Variants in RNF213 observed in about 807,000 individuals in gnomAD.
RNF213 encodes the protein ring finger protein 213.
In RNF213, 341 loss-of-function variants were observed where a neutral mutation model predicts 514.4. The ratio of observed to expected loss-of-function variants is 0.66; its 90% CI spans 0.61 to 0.73. The LOEUF is 0.73. Among genes scored for constraint, RNF213 ranks in the 30% least tolerant of loss-of-function variants. The pLI is 0.00. For synonymous variants in RNF213, 2,655 were observed against 2,658.2 expected, an observed-to-expected ratio of 1.00 and a Z score of 0.04; for missense variants, 5,767 against 6,615.6, an observed-to-expected ratio of 0.87 and a Z score of 4.45.
Position 80,358,454 on chromosome 17 carries a change from A to G in RNF213, c.11029A>G (p.Ile3677Val). The G allele has an allele frequency of 6.2e-7, 1 of 1,614,152 alleles. No individual in the cohort carries two copies. Among genetic ancestry groups the G allele is most frequent in the Non-Finnish European group, 8.5e-7 (1 of 1,179,976 alleles). Residue 3677 changes from isoleucine (I) to valine (V), a missense_variant, in exon 37 of 68, where the codon ATT (isoleucine) becomes GTT (valine). This residue lies in a region of RNF213 where 919 missense variants were observed against 1,121.0 expected (regional missense o/e 0.82). Transcript: ENST00000582970. ...FIFSDTMLLN[I>V]PLVMNNERHK... ...TTTCAGTGACACGATGCTTCTGAAC[A>G]TTCCTCTTGTGATGAATAATGAAAG...
At chr17:80,324,184 G>T (rs1031464421) in intron 17 of RNF213, among the ~76,000 whole-genome samples, 2 of 152,256 alleles carry the variant, frequency 1.3e-5, no homozygotes, top group East Asian at 3.9e-4. Flanking sequence ...TTAAGAGAAG[G>T]TTTCAGTCTT....
chr17:80,274,349 G>C (rs1272033228), intron 3 of RNF213, among the ~76,000 whole-genome samples: 1 of 151,112 alleles, frequency 6.6e-6, no homozygotes, highest in Non-Finnish European at 1.5e-5. Flanking sequence ...CTTTCGAGGG[G>C]AGCGTCCTGG....
chr17:80,380,961 C>G lies in RNF213; in HGVS notation c.13771C>G (p.Leu4591Val). ...CCGGCTACTCACTCACTTGGCTCTG[C>G]TTCTGGGAGCGTCCCAGAGTTCCCA... ...LIRLLTHLAL[L>V]LGASQSSQAL... The change falls in exon 56 of 68, where the codon CTT (leucine) becomes GTT (valine). Residue 4591 changes from leucine (L) to valine (V), a missense_variant. Transcript: ENST00000582970. 6.2e-7 allele frequency: 1 copy of G among 1,614,248 alleles called. No individual in the cohort carries two copies. The highest frequency in any genetic ancestry group is 8.5e-7 in the Non-Finnish European group (1 of 1,180,042).
intron 10 of RNF213, among the ~76,000 whole-genome samples, chr17:80,297,006 TAAAC>T (rs776465973): frequency 1.1e-3 from 163 of 151,478 alleles, no homozygotes; most frequent in South Asian, 1.9e-3. Context: ...AACAACCAAA[TAAAC>T]GCCGCACATT....
At chr17:80,374,719 A>C in intron 50 of RNF213, 130 bp downstream of exon 50, 2 of 1,134,556 alleles carry the variant, frequency 1.8e-6, no homozygotes, top group Non-Finnish European at 2.6e-6. Flanking sequence ...ACTGTATTGG[A>C]AGTCACGTGC....
Position 80,377,355 on chromosome 17 carries a change from A to T in RNF213, c.13510+392A>T, listed in dbSNP as rs1568158092. On this transcript the variant is annotated intron_variant, in intron 53 of 67. Coordinates refer to ENST00000582970, the MANE Select transcript of RNF213 (RefSeq NM_001256071.3). This position sits in a 1 kb window ranked among gnomAD's most constrained non-coding sequence, Gnocchi z 4.1. Reference sequence around the variant, plus strand: ...TAGAACCGGGAGACTGACTCATATAACCCATGACATGTAAATTTTGCTGTT... The same window carrying T: ...TAGAACCGGGAGACTGACTCATATATCCCATGACATGTAAATTTTGCTGTT... Among the ~76,000 whole-genome samples the T allele has an allele frequency of 6.6e-6, 1 of 151,872 alleles. No individual in the cohort carries two copies. The highest frequency in any genetic ancestry group is 2.4e-5 in the African/African-American group (1 of 41,332).
chr17:80,273,726 T>A (rs1166421132), intron 3 of RNF213, among the ~76,000 whole-genome samples: 1 of 150,730 alleles, frequency 6.6e-6, no homozygotes, highest in Non-Finnish European at 1.5e-5. Context: ...TTCAAGCAAT[T>A]CTCCTGCCTC....
chr17:80,300,435 G>T (rs1260171346), intron 11 of RNF213, among the ~76,000 whole-genome samples: 2 of 152,074 alleles, frequency 1.3e-5, no homozygotes, highest in African/African-American at 2.4e-5. Flanking sequence ...GTAGAGACAG[G>T]GTTGCACCAT....
chr17:80,274,109 T>A (rs2043930022), intron 3 of RNF213, among the ~76,000 whole-genome samples: 1 of 151,988 alleles, frequency 6.6e-6, no homozygotes, highest in Admixed American at 6.6e-5. Flanking sequence ...GCTGGGTGCG[T>A]GTCTTGCGCT....
intron 2 of RNF213, among the ~76,000 whole-genome samples, chr17:80,265,768 T>C (rs1367041092): frequency 1.3e-5 from 2 of 152,204 alleles, no homozygotes; most frequent in Non-Finnish European, 1.5e-5. Flanking sequence ...GGGCGTCTGC[T>C]GTTAAAGTGG....
Position 80,345,374 on chromosome 17 carries a change from A to C in RNF213, c.7039A>C (p.Thr2347Pro). 1.2e-6 allele frequency: 2 copies of C among 1,614,110 alleles called. No homozygotes were observed. Residue 2347 changes from threonine to proline, a missense_variant, in exon 29 of 68, where the codon ACC (threonine) becomes CCC (proline). This residue lies in a region of RNF213 where 1,377 missense variants were observed against 1,635.2 expected (regional missense o/e 0.84). Coordinates refer to ENST00000582970, the MANE Select transcript of RNF213 (RefSeq NM_001256071.3). This position sits in a 1 kb window ranked among gnomAD's most constrained non-coding sequence, Gnocchi z 6.0. ...TGKVIKRDVM[T>P]RDLYQGLLLQ... ...GAAGGTCATCAAGAGAGACGTCATG[A>C]CCAGGGACCTGTACCAGGGCCTGCT...
chr17:80,340,686 T>A (rs1450712916), intron 26 of RNF213: 2 of 240,572 alleles, frequency 8.3e-6, no homozygotes, highest in Non-Finnish European at 1.6e-5. Flanking sequence ...AGTGGCGTGA[T>A]CTTAGCTCAC....
In RNF213 at chr17:80,347,357, T is replaced by C. The variant is rs61600413; in HGVS notation, c.9022T>C (p.Cys3008Arg). The C allele has an allele frequency of 0.05, 80,130 of 1,613,792 alleles. 3,945 individuals are homozygous for C. Among genetic ancestry groups the C allele is most frequent in the African/African-American group, 0.26 (19,221 of 74,950 alleles). ...IFLANLPEAK[C>R]SEEVSPMQLI... ...TCTGGCCAATTTGCCCGAGGCCAAG[T>C]GCTCAGAGGAAGTCAGCCCCATGCA... The change falls in exon 29 of 68, where the codon TGC becomes CGC. Residue 3008 changes from cysteine (C) to arginine (R), a missense_variant. By Grantham distance (180) the Cys-to-Arg change is radical. Coordinates refer to ENST00000582970, the MANE Select transcript of RNF213 (RefSeq NM_001256071.3). The surrounding 1 kb of genome is among the most constrained non-coding windows in gnomAD (Gnocchi z 7.2).
intron 8 of RNF213, among the ~76,000 whole-genome samples, chr17:80,293,590 G>A (rs555004363): frequency 1.4e-4 from 22 of 152,034 alleles, no homozygotes; most frequent in Admixed American, 9.8e-4. Flanking sequence ...TTGGGAGGCC[G>A]AGGCGGGCGG....
intron 3 of RNF213, among the ~76,000 whole-genome samples, chr17:80,285,755 C>T (rs1007547853): frequency 1.3e-5 from 2 of 151,336 alleles, no homozygotes; most frequent in African/African-American, 4.9e-5. Flanking sequence ...ACCGCAGCCT[C>T]TGCCTCCCGG....
In RNF213 at chr17:80,345,141, C is replaced by A; in HGVS notation, c.6806C>A (p.Thr2269Asn). The change falls in exon 29 of 68, where the codon ACC (threonine) becomes AAC (asparagine). Residue 2269 changes from threonine to asparagine, a missense_variant. Physicochemically the swap from Thr to Asn is moderately conservative, Grantham distance 65. This residue lies in a region of RNF213 where 1,377 missense variants were observed against 1,635.2 expected (regional missense o/e 0.84). Coordinates refer to ENST00000582970, the MANE Select transcript of RNF213 (RefSeq NM_001256071.3). This position sits in a 1 kb window ranked among gnomAD's most constrained non-coding sequence, Gnocchi z 6.0. ...GATTTTGCCACACCATCACTCCACACCTCTGACCAAAGCCCGGGGAAGCAC... is the reference window on the plus strand; with the variant it reads ...GATTTTGCCACACCATCACTCCACAACTCTGACCAAAGCCCGGGGAAGCAC... The part of the protein sequence containing the change: ...ARDFATPSLH[T>N]SDQSPGKHMV... 1 of 1,614,144 alleles carries A rather than the reference C, an allele frequency of 6.2e-7. No individual in the cohort carries two copies. Among genetic ancestry groups the A allele is most frequent in the Non-Finnish European group, 8.5e-7 (1 of 1,180,036 alleles).
intron 17 of RNF213, chr17:80,319,595 G>C (rs931228986): frequency 6.4e-7 from 1 of 1,564,382 alleles, no homozygotes; most frequent in Non-Finnish European, 8.7e-7. Context: ...GGGCTTGCAG[G>C]CCGTTCCTCA....
rs200162965 is a variant in RNF213 at position 80,309,042 on chromosome 17, A to G, written c.2526A>G (p.Pro842=). ...GGATTCCCGAGGAGGCCTTGTCACC[A>G]TCCTACCTGACTGTGTGTCTGAAAC... ...RDKIPEEALS[P]SYLTVCLKLH... Residue 842 remains proline (P), a synonymous_variant, in exon 14 of 68, where the codon CCA becomes CCG. Coordinates refer to ENST00000582970, the MANE Select transcript of RNF213 (RefSeq NM_001256071.3). 3.1e-6 allele frequency: 5 copies of G among 1,614,164 alleles called. No homozygotes were observed. Among genetic ancestry groups the G allele is most frequent in the East Asian group, 4.5e-5 (2 of 44,890 alleles).
rs147617069 is a variant in RNF213, at chr17:80,389,352, G to A, written c.15180G>A (p.Thr5060=). Residue 5060 remains threonine (T), a synonymous_variant, in exon 65 of 68, where the codon ACG becomes ACA. Coordinates refer to ENST00000582970, the MANE Select transcript of RNF213 (RefSeq NM_001256071.3). ...ACATCCTGCAAATGGGTGATCAGAC[G>A]ATTCACGTGTTAAAGGTGGGTCTCA... The part of the protein sequence containing the change: ...TQDILQMGDQ[T]IHVLKALNRC... The A allele has an allele frequency of 4.3e-5, 69 of 1,613,966 alleles. No individual in the cohort carries two copies. Among genetic ancestry groups the A allele is most frequent in the African/African-American group, 9.3e-5 (7 of 74,912 alleles).
Sources: allele counts gnomAD v4.1 joint callset (sites outside exome capture counted in the v4.1 genomes callset), GRCh38; gene constraint gnomAD v4.1.1; regional missense constraint gnomAD v4.1.1; non-coding constraint Gnocchi (gnomAD v3.1); transcripts MANE v1.5; gene names NCBI Gene and HGNC (gene_info 2026-07-23, HGNC 2026-07-21).